DIAPH1: variants seen among roughly 807,000 people sequenced by gnomAD.
The protein encoded by DIAPH1 is protein diaphanous homolog 1.
A neutral mutation model predicts 140.7 loss-of-function variants in DIAPH1; 46 were observed. The ratio of observed to expected loss-of-function variants is 0.33; its 90% CI spans 0.26 to 0.42. The LOEUF (loss-of-function observed/expected upper bound fraction) is 0.42, where lower values mean the gene tolerates loss of function less well. Ranked by LOEUF, DIAPH1 falls within the 10% of genes least tolerant of loss-of-function variation. DIAPH1 has a pLI of 1.00. For synonymous variants in DIAPH1, 565 were observed against 551.6 expected, an observed-to-expected ratio of 1.02 and a Z score of -0.34; for missense variants, 1,310 against 1,558.7, an observed-to-expected ratio of 0.84 and a Z score of 2.69.
chr5:141,567,116 T>C (rs2099894495), intron 18 of DIAPH1, among the ~76,000 whole-genome samples: 1 of 152,088 alleles, frequency 6.6e-6, no homozygotes, highest in East Asian at 1.9e-4. Context: ...GCAATTAAAC[T>C]ATGGGAGATG....
In DIAPH1 at chr5:141,534,450, T is replaced by G; in HGVS notation, c.2483-17A>C. 1 of 1,607,234 alleles carries G rather than the reference T, an allele frequency of 6.2e-7. No homozygotes were observed. Among genetic ancestry groups the G allele is most frequent in the Non-Finnish European group, 8.5e-7 (1 of 1,174,728 alleles). On this transcript the variant is annotated splice_polypyrimidine_tract_variant and intron_variant, in intron 18 of 27. Coordinates refer to ENST00000389054, the MANE Select transcript of DIAPH1 (RefSeq NM_005219.5). Reference sequence around the variant, plus strand: ...CCTTCTTGGCTAGCAGGGAAAAGATTAGAAAAGCATGATTAAAAGTAAGCC... The same window carrying G: ...CCTTCTTGGCTAGCAGGGAAAAGATGAGAAAAGCATGATTAAAAGTAAGCC...
At chr5:141,581,587 G>C (rs562113617) in intron 7 of DIAPH1, among the ~76,000 whole-genome samples, 2 of 152,306 alleles carry the variant, frequency 1.3e-5, no homozygotes, top group South Asian at 4.1e-4. Context: ...CAATGAGGAA[G>C]AGAGATTTGT....
At position 141,601,294 on chromosome 5, in the gene DIAPH1, C is replaced by G. The variant is rs556843021; in HGVS notation, c.118-13044G>C. Among the ~76,000 whole-genome samples the G allele has an allele frequency of 7.7e-3, 1,123 of 146,788 alleles. 18 individuals are homozygous for G. Among genetic ancestry groups the G allele is most frequent in the African/African-American group, 0.027 (1,067 of 40,096 alleles). Reference sequence around the variant, plus strand: ...AGACACAGAAAAAAAAAAAAAAGAACTACTCCCTCTTTTTTGAGATGAAGT... The same window carrying G: ...AGACACAGAAAAAAAAAAAAAAGAAGTACTCCCTCTTTTTTGAGATGAAGT... On this transcript the variant is annotated intron_variant, in intron 1 of 27. Coordinates refer to ENST00000389054, the MANE Select transcript of DIAPH1 (RefSeq NM_005219.5).
At chr5:141,612,166 T>C (rs913086321) in intron 1 of DIAPH1, among the ~76,000 whole-genome samples, 6 of 152,098 alleles carry the variant, frequency 3.9e-5, no homozygotes, top group African/African-American at 9.7e-5. Context: ...ATACTAACAG[T>C]TGACAGGAAA....
At chr5:141,611,610 A>G (rs1322856426) in intron 1 of DIAPH1, among the ~76,000 whole-genome samples, 1 of 152,202 alleles carries the variant, frequency 6.6e-6, no homozygotes, top group East Asian at 1.9e-4. Flanking sequence ...AAGAAAGACA[A>G]AAGACAGAAA....
intron 18 of DIAPH1, among the ~76,000 whole-genome samples, chr5:141,569,571 T>C (rs2154596140): frequency 6.6e-6 from 1 of 152,206 alleles, no homozygotes; most frequent in African/African-American, 2.4e-5. Flanking sequence ...AAGACCAGCC[T>C]GCCCAACATG....
intron 18 of DIAPH1, among the ~76,000 whole-genome samples, chr5:141,569,971 T>C (rs1335699422): frequency 1.3e-5 from 2 of 152,136 alleles, no homozygotes; most frequent in Admixed American, 6.5e-5. Context: ...AGCACAAAGA[T>C]CTTTTACTAA....
At chr5:141,545,516 T>C (rs1003197645) in intron 18 of DIAPH1, among the ~76,000 whole-genome samples, 3 of 152,102 alleles carry the variant, frequency 2.0e-5, no homozygotes, top group Admixed American at 6.6e-5. Context: ...TGGTGGCACA[T>C]GCTTATAGTC....
intron 18 of DIAPH1, among the ~76,000 whole-genome samples, chr5:141,557,087 A>G (rs2154595788): frequency 6.6e-6 from 1 of 152,336 alleles, no homozygotes; most frequent in Non-Finnish European, 1.5e-5. Flanking sequence ...ACATCAACCA[A>G]CTGCAATGTG....
chr5:141,605,750 G>A (rs1291528223), intron 1 of DIAPH1, among the ~76,000 whole-genome samples: 1 of 152,176 alleles, frequency 6.6e-6, no homozygotes, highest in East Asian at 1.9e-4. Context: ...ACTCCTTAAA[G>A]ACTATACTTA....
At chr5:141,566,006 T>G (rs1219977821) in intron 18 of DIAPH1, among the ~76,000 whole-genome samples, 2 of 151,996 alleles carry the variant, frequency 1.3e-5, no homozygotes, top group African/African-American at 2.4e-5. Flanking sequence ...ATGAGAGAGA[T>G]AATGGAAGAA....
At position 141,575,559 on chromosome 5, in the gene DIAPH1, G is replaced by T. The variant is rs2099895840; in HGVS notation, c.1462-413C>A. ...AGCTACTTGGGAGGCTGAGGCAGGA[G>T]AACTGCTTGAACCCAGGAGACAGAG... On this transcript the variant is annotated intron_variant, in intron 14 of 27. Coordinates refer to ENST00000389054, the MANE Select transcript of DIAPH1 (RefSeq NM_005219.5). Among the ~76,000 whole-genome samples the T allele has an allele frequency of 2.0e-5, 3 of 151,926 alleles. No homozygotes were observed. The South Asian group carries it at 6.2e-4, about 31-fold the overall frequency.
chr5:141,618,108 C>T (rs1010345543), intron 1 of DIAPH1, among the ~76,000 whole-genome samples: 1 of 152,162 alleles, frequency 6.6e-6, no homozygotes, highest in African/African-American at 2.4e-5. Context: ...AGCAACAGGG[C>T]AAAGAGAGAG....
intron 18 of DIAPH1, among the ~76,000 whole-genome samples, chr5:141,545,298 T>C (rs2099890617): frequency 6.6e-6 from 1 of 152,198 alleles, no homozygotes; most frequent in African/African-American, 2.4e-5. Flanking sequence ...TCAGCAAACC[T>C]GACTAAACAA....
At chr5:141,570,422 C>T (rs1171347477) in intron 18 of DIAPH1, among the ~76,000 whole-genome samples, 1 of 152,038 alleles carries the variant, frequency 6.6e-6, no homozygotes, top group East Asian at 1.9e-4. Flanking sequence ...TGACAATTTT[C>T]TTAGAGGAAA....
chr5:141,526,537 A>AGG, intron 24 of DIAPH1, 76 bp from the exon 25 acceptor site: 1 of 1,556,464 alleles, frequency 6.4e-7, no homozygotes, highest in South Asian at 1.1e-5. Flanking sequence ...AATTACTCAA[A>AGG]GATGAGTACT....
chr5:141,560,865 G>T (rs925774859), intron 18 of DIAPH1: 1 of 454,738 alleles, frequency 2.2e-6, no homozygotes, highest in Non-Finnish European at 4.4e-6. Context: ...ACAGCTGCTG[G>T]TTTTCGTCAT....
chr5:141,578,462 T>A (rs1301297489), intron 10 of DIAPH1, 53 bp downstream of exon 10: 6 of 1,546,314 alleles, frequency 3.9e-6, no homozygotes, highest in South Asian at 2.2e-5. Flanking sequence ...TTATTGGGGC[T>A]GTAGAGCAAG....
intron 19 of DIAPH1, among the ~76,000 whole-genome samples, chr5:141,533,979 T>G (rs1359538294): frequency 7.1e-6 from 1 of 141,210 alleles, no homozygotes; most frequent in Non-Finnish European, 1.5e-5. Context: ...GGCAGTGAGC[T>G]GTGATCGCAT....
Sources: allele counts gnomAD v4.1 joint callset (sites outside exome capture counted in the v4.1 genomes callset), GRCh38; gene constraint gnomAD v4.1.1; transcripts MANE v1.5; gene names NCBI Gene and HGNC (gene_info 2026-07-23, HGNC 2026-07-21).